The following USP39 variants were observed in gnomAD, a reference collection of about 807,000 sequenced individuals.
The protein encoded by USP39 is ubiquitin specific peptidase 39, also known as ubiquitin carboxyl-terminal hydrolase 39.
Under a neutral mutation model 66.4 loss-of-function variants are expected in USP39, and 38 were observed. The ratio of observed to expected loss-of-function variants is 0.57; its 90% CI spans 0.44 to 0.75. The LOEUF (loss-of-function observed/expected upper bound fraction) is 0.75, where lower values mean the gene tolerates loss of function less well. Among genes scored for constraint, USP39 ranks in the 30% least tolerant of loss-of-function variants. USP39 has a pLI of 0.00. For missense variants in USP39, 608 were observed against 714.4 expected, an observed-to-expected ratio of 0.85 and a Z score of 1.70; for synonymous variants, 303 against 274.6, an observed-to-expected ratio of 1.10 and a Z score of -1.02.
chr2:85,619,134 C>G, intron 1 of USP39, 86 bp from the exon 2 acceptor site: 1 of 1,466,082 alleles, frequency 6.8e-7, no homozygotes, highest in Non-Finnish European at 9.4e-7. Context: ...ATTAGTTTTT[C>G]CCATTTCTGT....
chr2:85,612,137 C>T, upstream of USP39: 1 of 880,186 alleles, frequency 1.1e-6, no homozygotes, highest in South Asian at 1.8e-5. Flanking sequence ...ATGCAGCGCA[C>T]GGAGTTTTCG....
chr2:85,622,182 G>A (rs903882506), intron 3 of USP39, among the ~76,000 whole-genome samples: 2 of 150,180 alleles, frequency 1.3e-5, no homozygotes, highest in African/African-American at 4.9e-5. Context: ...GTGCAGTGAC[G>A]TGATCTTGGC....
At chr2:85,610,908 A>C (rs927583438), upstream of USP39, 1 of 148,282 alleles carries the variant, frequency 6.7e-6, no homozygotes, top group South Asian at 2.2e-4. Context: ...ACAGGCGCCC[A>C]CCACCACGCC....
At chr2:85,648,080 G>A (rs1320507367) in intron 12 of USP39, 64 bp downstream of exon 12, 5 of 1,559,418 alleles carry the variant, frequency 3.2e-6, no homozygotes, top group Admixed American at 3.3e-5. Flanking sequence ...GAGAGGAGTG[G>A]GCCAAGGCAG....
Position 85,623,701 on chromosome 2 carries a change from T to C in USP39, c.489T>C (p.Val163=). 2.5e-6 allele frequency: 4 copies of C among 1,614,066 alleles called. No individual in the cohort carries two copies. The highest frequency in any genetic ancestry group is 3.4e-6 in the Non-Finnish European group (4 of 1,179,992). The stretch of plus-strand genomic sequence containing the variant: ...ACAGTGTCCAGTTTAGCCACCATGT[T>C]TTCCTCAACCTCCACACCCTCAAGT... ...YIHSVQFSHH[V]FLNLHTLKFY... Residue 163 remains valine (V), a synonymous_variant, in exon 4 of 13, where the codon GTT becomes GTC. Transcript: ENST00000323701.
At chr2:85,622,043 C>T (rs956092613) in intron 3 of USP39, among the ~76,000 whole-genome samples, 2 of 152,040 alleles carry the variant, frequency 1.3e-5, no homozygotes, top group Non-Finnish European at 2.9e-5. Flanking sequence ...TGGTCTTGAA[C>T]TCCTGGCCGC....
intron 9 of USP39, among the ~76,000 whole-genome samples, chr2:85,640,760 A>G (rs918825007): frequency 6.9e-6 from 1 of 145,040 alleles, no homozygotes; most frequent in African/African-American, 2.6e-5. Context: ...GGTGTGAGCC[A>G]CCAGGCCCGG....
chr2:85,633,458 C>G (rs892282897), intron 6 of USP39, among the ~76,000 whole-genome samples: 1 of 152,130 alleles, frequency 6.6e-6, no homozygotes, highest in African/African-American at 2.4e-5. Context: ...TGACATCAGA[C>G]TTATGAATTT....
rs1255458174 is a variant in USP39, at chr2:85,645,030, G to A, written c.1510G>A (p.Val504Met). The change falls in exon 11 of 13, where the codon GTG (valine) becomes ATG (methionine). Residue 504 changes from valine to methionine, a missense_variant. Coordinates refer to ENST00000323701, the MANE Select transcript of USP39 (RefSeq NM_006590.4). ...CACCTATGACCTCATTGCCAACATC[G>A]TGCATGACGGCAAGCCCTCCGAGGG... ...NTTYDLIANI[V>M]HDGKPSEGSY... 2 of 1,614,094 alleles carry A rather than the reference G, an allele frequency of 1.2e-6. No homozygotes were observed. Among genetic ancestry groups the A allele is most frequent in the South Asian group, 1.1e-5 (1 of 91,082 alleles).
chr2:85,619,506 C>T (rs1053990088), intron 2 of USP39, among the ~76,000 whole-genome samples: 1 of 150,872 alleles, frequency 6.6e-6, no homozygotes, highest in African/African-American at 2.4e-5. Flanking sequence ...GTTGGGATAA[C>T]AGGATGCATA....
At chr2:85,642,100 G>A (rs986107648) in intron 10 of USP39, among the ~76,000 whole-genome samples, 4 of 152,106 alleles carry the variant, frequency 2.6e-5, no homozygotes, top group Non-Finnish European at 5.9e-5. Context: ...GAGGCTTGGA[G>A]TAGATGGGCC....
At position 85,616,208 on chromosome 2, in the gene USP39, T is replaced by C. The variant is rs764558997; in HGVS notation, c.13T>C (p.Ser5Pro). 76 of 1,468,678 alleles carry C rather than the reference T, an allele frequency of 5.2e-5. No individual in the cohort carries two copies. Among genetic ancestry groups the C allele is most frequent in the Non-Finnish European group, 6.0e-5 (66 of 1,108,988 alleles). 91.0% of individuals were successfully genotyped at this position (1,468,678 alleles called of 1,614,324 possible). A position where few individuals can be genotyped will look rare whatever the true frequency, so the allele number is the denominator to read the frequency against. ...GCCGGTAGTGGAGATGTCCGGCCGG[T>C]CTAAGCGGGAGTCTCGCGGTTCCAC... MSGRSKRESRGSTRG... is the reference protein window; with the variant it reads MSGRPKRESRGSTRG... The change falls in exon 1 of 13, where the codon TCT becomes CCT. Residue 5 changes from serine to proline, a missense_variant. By Grantham distance (74) the Ser-to-Pro change is moderately conservative (BLOSUM62 -1). Coordinates refer to ENST00000323701, the MANE Select transcript of USP39 (RefSeq NM_006590.4).
At chr2:85,621,403 G>C in intron 2 of USP39, 82 bp from the exon 3 acceptor site, 1 of 1,154,118 alleles carries the variant, frequency 8.7e-7, no homozygotes, top group Middle Eastern at 1.9e-4. Flanking sequence ...GTGGTATCAT[G>C]GGTCACAGAG....
At chr2:85,612,408 CTG>C, upstream of USP39, 1 of 1,500,586 alleles carries the variant, frequency 6.7e-7, no homozygotes, top group Non-Finnish European at 9.0e-7. Context: ...CTTTGGCTGA[CTG>C]TGTAACGCTG....
At chr2:85,613,520 CAG>C (rs993290184), upstream of USP39, among the ~76,000 whole-genome samples, 10 of 151,234 alleles carry the variant, frequency 6.6e-5, no homozygotes, top group Non-Finnish European at 1.5e-4. Flanking sequence ...AAACAAAAAA[CAG>C]GGACCAATGG....
At chr2:85,648,077 G>A in intron 12 of USP39, 61 bp downstream of exon 12, 1 of 1,566,386 alleles carries the variant, frequency 6.4e-7, no homozygotes, top group Non-Finnish European at 8.8e-7. Flanking sequence ...AGTGAGAGGA[G>A]TGGGCCAAGG....
upstream of USP39, chr2:85,607,587 T>A (rs1673263303): frequency 6.6e-6 from 1 of 152,226 alleles, no homozygotes; most frequent in African/African-American, 2.4e-5. Flanking sequence ...TGACACATTT[T>A]AATGACAAGA....
rs116018936 is a variant in USP39 at position 85,635,813 on chromosome 2, C to T, written c.950-240C>T. On this transcript the variant is annotated intron_variant, in intron 6 of 12. Coordinates refer to ENST00000323701, the MANE Select transcript of USP39 (RefSeq NM_006590.4). ...TTGTTTTGGTCATCACTGAGTGATG[C>T]GATACAGTCCTGGTATGAATCAGAG... 1.6e-3 allele frequency among the ~76,000 whole-genome samples: 243 copies of T among 152,178 alleles called. 1 individual carries two copies. Among genetic ancestry groups the T allele is most frequent in the African/African-American group, 5.7e-3 (236 of 41,530 alleles).
upstream of USP39, chr2:85,610,631 A>G (rs1182176540): frequency 1.3e-5 from 2 of 152,076 alleles, no homozygotes; most frequent in Non-Finnish European, 2.9e-5. Context: ...CACTTTCACT[A>G]ATGCCTAACA....
Sources: gnomAD v4.1 joint callset for allele counts (sites outside exome capture counted in the v4.1 genomes callset) on GRCh38, gnomAD v4.1.1 for gene constraint, MANE v1.5 for transcripts, NCBI Gene and HGNC (gene_info 2026-07-23, HGNC 2026-07-21) for gene names.